Variants in GLIPR2 observed in about 807,000 individuals in gnomAD.
GLIPR2 encodes the protein GLI pathogenesis related 2, also known as Golgi-associated plant pathogenesis-related protein 1.
GLIPR2 carries 21 observed loss-of-function variants against 20.4 expected under a neutral mutation model. That is an observed-to-expected ratio of 1.03 (90% confidence interval 0.73 to 1.48). The LOEUF (loss-of-function observed/expected upper bound fraction) is 1.48. GLIPR2 is among the 40% of genes most tolerant of loss of function. The pLI, the probability that GLIPR2 is intolerant of heterozygous loss-of-function variation, is 0.00. For synonymous variants in GLIPR2, 91 were observed against 80.5 expected, an observed-to-expected ratio of 1.13 and a Z score of -0.70; for missense variants, 205 against 200.1, an observed-to-expected ratio of 1.02 and a Z score of -0.15.
intron 3 of GLIPR2, among the ~76,000 whole-genome samples, chr9:36,148,891 C>G: frequency 6.6e-6 from 1 of 152,182 alleles, no homozygotes; most frequent in East Asian, 1.9e-4. Context: ...GTCAGACTGA[C>G]CAGGCCCCCA....
intron 4 of GLIPR2, chr9:36,151,176 C>A: frequency 1.8e-6 from 1 of 561,504 alleles, no homozygotes; most frequent in Non-Finnish European, 3.2e-6. Context: ...GGGCCACCAG[C>A]TGGTGAATCC....
intron 4 of GLIPR2, among the ~76,000 whole-genome samples, chr9:36,161,312 G>A (rs941707891): frequency 6.6e-6 from 1 of 152,124 alleles, no homozygotes; most frequent in Admixed American, 6.6e-5. Context: ...GGGAGGACTG[G>A]GAGAGGAATA....
At chr9:36,148,683 C>A (rs374819330) in intron 3 of GLIPR2, 33 bp downstream of exon 3, 23 of 1,436,196 alleles carry the variant, frequency 1.6e-5, no homozygotes, top group South Asian at 4.7e-5. Flanking sequence ...CTCCTCTCTG[C>A]GGGAGCTGGA....
At position 36,145,708 on chromosome 9, in the gene GLIPR2, GGATGTTGGATGGATGTATAGAT is replaced by G. The variant is rs1439507385; in HGVS notation, c.14-2066_14-2045del. 7.2e-4 allele frequency among the ~76,000 whole-genome samples: 109 copies of G among 151,832 alleles called. No homozygotes were observed. In the South Asian group the frequency reaches 0.021, roughly 29 times the overall value. On this transcript the variant is annotated intron_variant, in intron 1 of 4. Coordinates refer to ENST00000377960, the MANE Select transcript of GLIPR2 (RefSeq NM_022343.4). ...GGAGGATGTTGGATGGATGGATGGAGGATGTTGGATGGATGTATAGATGATGTTGGATGAATGGTGGATGGAC... is the reference window on the plus strand; with the variant it reads ...GGAGGATGTTGGATGGATGGATGGAGGATGTTGGATGAATGGTGGATGGAC...
intron 4 of GLIPR2, among the ~76,000 whole-genome samples, chr9:36,154,109 C>CG (rs1268219285): frequency 1.3e-4 from 19 of 146,722 alleles, no homozygotes; most frequent in African/African-American, 2.3e-4. Context: ...TTTCCCCCCC[C>CG]CTTTGAGACC....
chr9:36,161,160 T>A (rs1826037013), intron 4 of GLIPR2, among the ~76,000 whole-genome samples: 1 of 151,456 alleles, frequency 6.6e-6, no homozygotes, highest in Admixed American at 6.6e-5. Flanking sequence ...GGACCAAGGG[T>A]TTGGGAGTGG....
chr9:36,143,404 C>T (rs992894940), intron 1 of GLIPR2, among the ~76,000 whole-genome samples: 7 of 152,180 alleles, frequency 4.6e-5, no homozygotes, highest in Non-Finnish European at 7.3e-5. Flanking sequence ...CACCACTGCA[C>T]GTGCCACTCA....
At chr9:36,156,418 T>G (rs1825836970) in intron 4 of GLIPR2, among the ~76,000 whole-genome samples, 1 of 147,344 alleles carries the variant, frequency 6.8e-6, no homozygotes, top group East Asian at 2.0e-4. Flanking sequence ...AAAAAGAAAT[T>G]GTAGTAAAGC....
At chr9:36,152,886 A>T (rs947783065) in intron 4 of GLIPR2, among the ~76,000 whole-genome samples, 1 of 148,172 alleles carries the variant, frequency 6.7e-6, no homozygotes, top group Non-Finnish European at 1.5e-5. Context: ...AGGCAGGCGA[A>T]TCACTTGAGG....
In GLIPR2 at chr9:36,145,628, A is replaced by G. The variant is rs116153613; in HGVS notation, c.14-2158A>G. 8.4e-3 allele frequency among the ~76,000 whole-genome samples: 1,278 copies of G among 152,262 alleles called. 24 individuals are homozygous for G. Among genetic ancestry groups the G allele is most frequent in the African/African-American group, 0.029 (1,223 of 41,556 alleles). ...GATGAGTAATGTTAGATGGATGACAATGTTGCATGGATAGATGTATGGAAG... is the reference window on the plus strand; with the variant it reads ...GATGAGTAATGTTAGATGGATGACAGTGTTGCATGGATAGATGTATGGAAG... On this transcript the variant is annotated intron_variant, in intron 1 of 4. Coordinates refer to ENST00000377960, the MANE Select transcript of GLIPR2 (RefSeq NM_022343.4).
chr9:36,144,554 C>G (rs908533243), intron 1 of GLIPR2: 3 of 152,300 alleles, frequency 2.0e-5, no homozygotes, highest in African/African-American at 7.2e-5. Flanking sequence ...GCTCCGCCCT[C>G]TGCCTTAATG....
intron 1 of GLIPR2, among the ~76,000 whole-genome samples, chr9:36,145,829 G>T (rs547699802): frequency 6.6e-6 from 1 of 152,140 alleles, no homozygotes; most frequent in Non-Finnish European, 1.5e-5. Flanking sequence ...GATCATTTCA[G>T]ATCCAAATTG....
At chr9:36,161,701 T>C (rs921619390) in intron 4 of GLIPR2, among the ~76,000 whole-genome samples, 52 of 152,148 alleles carry the variant, frequency 3.4e-4, no homozygotes, top group African/African-American at 7.2e-5. Flanking sequence ...TCAAGTAAGA[T>C]GAAGACAAAA....
intron 4 of GLIPR2, among the ~76,000 whole-genome samples, chr9:36,153,844 T>C (rs1219599899): frequency 6.6e-6 from 1 of 151,744 alleles, no homozygotes; most frequent in East Asian, 1.9e-4. Context: ...GAGGTTGTGG[T>C]GAGCCAAGAT....
chr9:36,152,936 G>A (rs1414672802), intron 4 of GLIPR2, among the ~76,000 whole-genome samples: 9 of 102,956 alleles, frequency 8.7e-5, no homozygotes, highest in African/African-American at 3.5e-4. Flanking sequence ...GTGAAATCCT[G>A]TCTCTACTGA....
In GLIPR2 at chr9:36,147,686, G is replaced by A. The variant is rs1825389191; in HGVS notation, c.14-100G>A. On this transcript the variant is annotated intron_variant, in intron 1 of 4. Transcript: ENST00000377960. Reference sequence around the variant, plus strand: ...GAGGGGAGCAGCAGCCTGTCCACATGGCCTAAGGTTTGAGCTGGGTGTTGC... The same window carrying A: ...GAGGGGAGCAGCAGCCTGTCCACATAGCCTAAGGTTTGAGCTGGGTGTTGC... 1.4e-5 allele frequency: 10 copies of A among 722,168 alleles called. No homozygotes were observed. In the Admixed American group the frequency reaches 1.6e-4, roughly 11 times the overall value. The allele number at this position is 722,168 out of a possible 1,614,324, so 44.7% of individuals were successfully genotyped here.
chr9:36,136,959 G>A lies in GLIPR2; in HGVS notation c.13+168G>A. On this transcript the variant is annotated intron_variant, in intron 1 of 4. Transcript: ENST00000377960. This position sits in a 1 kb window ranked among gnomAD's most constrained non-coding sequence, Gnocchi z 4.3. ...CCGGCGCGGTTTCCGGGGAACCCGG[G>A]GGGAAGGCGAGCCCGAGGGAGGCCC... 1 of 809,260 alleles carries A rather than the reference G, an allele frequency of 1.2e-6. No individual in the cohort carries two copies. The highest frequency in any genetic ancestry group is 1.8e-5 in the African/African-American group (1 of 56,282). 50.1% of individuals were successfully genotyped at this position (809,260 alleles called of 1,614,324 possible). A position where few individuals can be genotyped will look rare whatever the true frequency, so the allele number is the denominator to read the frequency against.
In GLIPR2 at chr9:36,163,144, G is replaced by GA. The variant is rs138308794; in HGVS notation, c.*629dup. ...ATGGGGTCGCCAAACAACAAATGGA[G>GA]AAAAAAAGTTTTACTTCCTTGCATT... is the stretch of plus-strand genomic sequence containing the variant. On this transcript the variant is annotated 3_prime_UTR_variant, in exon 5 of 5. Transcript: ENST00000377960. 1,745 of 267,206 alleles carry GA rather than the reference G, an allele frequency of 6.5e-3. 43 individuals carry two copies. Among genetic ancestry groups the GA allele is most frequent in the African/African-American group, 0.037 (1,592 of 42,920 alleles). 16.6% of individuals were successfully genotyped at this position (267,206 alleles called of 1,614,324 possible). A position where few individuals can be genotyped will look rare whatever the true frequency, so the allele number is the denominator to read the frequency against.
At chr9:36,152,114 G>A (rs1825611418) in intron 4 of GLIPR2, among the ~76,000 whole-genome samples, 1 of 152,172 alleles carries the variant, frequency 6.6e-6, no homozygotes, top group African/African-American at 2.4e-5. Context: ...TGGGACTCTG[G>A]GGCAGAGGCA....
Sources: gnomAD v4.1 joint callset for allele counts (sites outside exome capture counted in the v4.1 genomes callset) on GRCh38, gnomAD v4.1.1 for gene constraint, Gnocchi (gnomAD v3.1) non-coding constraint, MANE v1.5 for transcripts, NCBI Gene and HGNC (gene_info 2026-07-23, HGNC 2026-07-21) for gene names.